The following SHQ1 variants were observed in gnomAD, a reference collection of about 807,000 sequenced individuals.
SHQ1 encodes protein SHQ1 homolog.
A neutral mutation model predicts 53.8 loss-of-function variants in SHQ1; 49 were observed. That is an observed-to-expected ratio of 0.91 (90% CI 0.72 to 1.16). The LOEUF is 1.16. Among genes scored for constraint, SHQ1 ranks in the 50% most tolerant of loss-of-function variants. SHQ1 has a pLI of 0.00. For synonymous variants in SHQ1, 243 were observed against 251.0 expected, an observed-to-expected ratio of 0.97 and a Z score of 0.30; for missense variants, 738 against 683.1, an observed-to-expected ratio of 1.08 and a Z score of -0.90.
intron 10 of SHQ1, among the ~76,000 whole-genome samples, chr3:72,784,183 C>A (rs958458260): frequency 1.8e-3 from 260 of 145,084 alleles, no homozygotes; most frequent in African/African-American, 5.7e-3. Flanking sequence ...AAAAGAACAA[C>A]AAAAATATCC....
intron 7 of SHQ1, among the ~76,000 whole-genome samples, chr3:72,816,101 G>A (rs1707307948): frequency 6.6e-6 from 1 of 152,084 alleles, no homozygotes; most frequent in South Asian, 2.1e-4. Context: ...TCATCTTGGA[G>A]TCAGACACAA....
At chr3:72,773,498 G>GA (rs1302764985) in intron 10 of SHQ1, 10 of 232,614 alleles carry the variant, frequency 4.3e-5, no homozygotes, top group African/African-American at 8.3e-5. Context: ...AAAAAAAAAA[G>GA]AAAAAAAAGA....
At chr3:72,833,423 A>C (rs1299571354) in intron 4 of SHQ1, among the ~76,000 whole-genome samples, 3 of 152,010 alleles carry the variant, frequency 2.0e-5, no homozygotes, top group African/African-American at 7.2e-5. Context: ...CCTGGGCGAC[A>C]GAGCCAGACT....
chr3:72,791,650 T>C (rs1706440595), intron 10 of SHQ1, among the ~76,000 whole-genome samples: 1 of 152,226 alleles, frequency 6.6e-6, no homozygotes, highest in Admixed American at 6.5e-5. Flanking sequence ...CAATTGACAT[T>C]GTAGCTATCA....
chr3:72,784,160 C>A (rs1706155758), intron 10 of SHQ1, among the ~76,000 whole-genome samples: 1 of 138,284 alleles, frequency 7.2e-6, no homozygotes, highest in African/African-American at 2.7e-5. Flanking sequence ...ATACAAATTA[C>A]AAATTAAAAA....
the SHQ1 span, among the ~76,000 whole-genome samples, chr3:72,737,051 C>T: frequency 5.3e-5 from 8 of 152,032 alleles, no homozygotes; most frequent in South Asian, 1.7e-3. Context: ...GGGTGGATTG[C>T]CTAAGCTCAG....
At chr3:72,729,233 T>C in the SHQ1 span, among the ~76,000 whole-genome samples, 1 of 152,194 alleles carries the variant, frequency 6.6e-6, no homozygotes, top group Non-Finnish European at 1.5e-5. Flanking sequence ...TATTGGGTTT[T>C]GAGCCACCCC....
At chr3:72,835,109 T>C (rs1180672179) in intron 4 of SHQ1, among the ~76,000 whole-genome samples, 2 of 149,510 alleles carry the variant, frequency 1.3e-5, no homozygotes, top group Admixed American at 1.3e-4. Context: ...TCAGCTTCTT[T>C]TTTTTTTTTT....
At chr3:72,726,028 G>T in the SHQ1 span, among the ~76,000 whole-genome samples, 1 of 152,170 alleles carries the variant, frequency 6.6e-6, no homozygotes, top group Non-Finnish European at 1.5e-5. Context: ...AGCTACTCAG[G>T]AGGCCAAGGC....
chr3:72,764,944 C>T (rs1442334712), intron 10 of SHQ1, among the ~76,000 whole-genome samples: 1 of 152,222 alleles, frequency 6.6e-6, no homozygotes, highest in Non-Finnish European at 1.5e-5. Flanking sequence ...GCATTGCTGA[C>T]TTCACACATT....
the SHQ1 span, among the ~76,000 whole-genome samples, chr3:72,731,839 C>T: frequency 1.3e-5 from 2 of 151,468 alleles, no homozygotes; most frequent in Non-Finnish European, 2.9e-5. Flanking sequence ...GGGAAAGCAT[C>T]ATCCTCCCAG....
chr3:72,822,263 T>G (rs1404722104), intron 6 of SHQ1, among the ~76,000 whole-genome samples: 1 of 152,198 alleles, frequency 6.6e-6, no homozygotes, highest in Non-Finnish European at 1.5e-5. Flanking sequence ...CACATGTCCT[T>G]GCTATTTTTA....
At chr3:72,764,403 G>C (rs1705674525) in intron 10 of SHQ1, among the ~76,000 whole-genome samples, 2 of 152,268 alleles carry the variant, frequency 1.3e-5, no homozygotes, top group Non-Finnish European at 2.9e-5. Flanking sequence ...CTGAAAGCCA[G>C]ACTTGACAAC....
intron 5 of SHQ1, among the ~76,000 whole-genome samples, chr3:72,831,677 C>T (rs914639819): frequency 3.9e-5 from 6 of 152,186 alleles, no homozygotes; most frequent in East Asian, 3.9e-4. Context: ...AGAGGTCAAG[C>T]GACAATCCTT....
chr3:72,727,640 C>G, the SHQ1 span, among the ~76,000 whole-genome samples: 1 of 152,158 alleles, frequency 6.6e-6, no homozygotes, highest in African/African-American at 2.4e-5. Context: ...TTTTCAATCG[C>G]AAGTCAGCCT....
chr3:72,765,526 A>G (rs1281715657), intron 10 of SHQ1, among the ~76,000 whole-genome samples: 2 of 120,870 alleles, frequency 1.7e-5, no homozygotes, highest in Non-Finnish European at 3.2e-5. Context: ...CCAGATTCAC[A>G]TGACATATAT....
At position 72,843,745 on chromosome 3, in the gene SHQ1, A is replaced by AC. The variant is rs766103419; in HGVS notation, c.208+613dup. Among the ~76,000 whole-genome samples, 16 of 149,482 alleles carry AC rather than the reference A, an allele frequency of 1.1e-4. No individual in the cohort carries two copies. In the South Asian group the frequency reaches 1.7e-3, roughly 16 times the overall value. On this transcript the variant is annotated intron_variant, in intron 2 of 10. Coordinates refer to ENST00000325599, the MANE Select transcript of SHQ1 (RefSeq NM_018130.3). Reference sequence around the variant, plus strand: ...GGGTTAGATCTCTGTCATTTAACCCACCCCCCCATACCCTACCCTTAGCCT... The same window carrying AC: ...GGGTTAGATCTCTGTCATTTAACCCACCCCCCCCATACCCTACCCTTAGCCT...
At position 72,848,390 on chromosome 3, in the gene SHQ1, G is replaced by T. The variant is rs368474266; in HGVS notation, c.-50C>A. On this transcript the variant is annotated 5_prime_UTR_variant, in exon 1 of 11. Transcript: ENST00000325599. ...CGCCGCTCGCTCTCACTGCCGCCGC[G>T]TTCCCGCCACGCAAACTCTCCAACT... The T allele has an allele frequency of 4.4e-6, 7 of 1,604,384 alleles. No homozygotes were observed. In the Middle Eastern group the frequency reaches 5.0e-4, roughly 115 times the overall value.
At chr3:72,806,408 A>G (rs554475913) in intron 9 of SHQ1, among the ~76,000 whole-genome samples, 2 of 152,298 alleles carry the variant, frequency 1.3e-5, no homozygotes, top group South Asian at 2.1e-4. Flanking sequence ...TGATTGTTCT[A>G]TTCTTAGAAA....
Sources: gnomAD v4.1 joint callset for allele counts (sites outside exome capture counted in the v4.1 genomes callset) on GRCh38, gnomAD v4.1.1 for gene constraint, MANE v1.5 for transcripts, NCBI Gene and HGNC (gene_info 2026-07-23, HGNC 2026-07-21) for gene names.